C2: variants seen among roughly 807,000 people sequenced by gnomAD.
C2 encodes the protein complement C2.
C2 carries 64 observed loss-of-function variants against 85.2 expected under a neutral mutation model. The ratio of observed to expected loss-of-function variants is 0.75; its 90% confidence interval spans 0.61 to 0.92. C2 has a LOEUF of 0.92. Ranked by LOEUF, C2 falls within the 40% of genes least tolerant of loss-of-function variation. The pLI is 0.00. For missense variants in C2, 820 were observed against 971.6 expected, an observed-to-expected ratio of 0.84 and a Z score of 2.07; for synonymous variants, 311 against 370.8, an observed-to-expected ratio of 0.84 and a Z score of 1.85.
rs1712147955 is a variant in C2 at position 31,904,545 on chromosome 6, C to A, written c.73+3406C>A. 6.6e-6 allele frequency among the ~76,000 whole-genome samples: 1 copy of A among 151,954 alleles called. No homozygotes were observed. Among genetic ancestry groups the A allele is most frequent in the African/African-American group, 2.4e-5 (1 of 41,324 alleles). On this transcript the variant is annotated intron_variant, in intron 1 of 3. Coordinates refer to the C2 transcript ENST00000452202. This position sits in a 1 kb window ranked among gnomAD's most constrained non-coding sequence, Gnocchi z 4.4. ...GCCAGGCTGGTCTCGAACTCCTGAC[C>A]TCGGGTGATCCACCTTGCTCAGCCT...
At chr6:31,927,499 G>A, upstream of C2, 1 of 1,430,596 alleles carries the variant, frequency 7.0e-7, no homozygotes, top group South Asian at 1.5e-5. This position sits in a 1 kb window ranked among gnomAD's most constrained non-coding sequence, Gnocchi z 4.7. Flanking sequence ...AGTACACAAA[G>A]CCTGTGGGGG....
chr6:31,928,739 C>A lies in C2; in HGVS notation c.264C>A (p.Arg88=). The change falls in exon 3 of 18, where the codon CGC becomes CGA. Residue 88 remains arginine, a synonymous_variant. Coordinates refer to ENST00000299367, the MANE Select transcript of C2 (RefSeq NM_000063.6). The part of the protein sequence containing the change: ...SLSKAVCKPV[R]CPAPVSFENG... Reference sequence around the variant, plus strand: ...CACTTCCTCTCTCTCCAGCTGTGCGCTGTCCAGCCCCTGTCTCCTTTGAGA... The same window carrying A: ...CACTTCCTCTCTCTCCAGCTGTGCGATGTCCAGCCCCTGTCTCCTTTGAGA... 1 of 1,614,238 alleles carries A rather than the reference C, an allele frequency of 6.2e-7. No homozygotes were observed. The highest frequency in any genetic ancestry group is 1.1e-5 in the South Asian group (1 of 91,092).
chr6:31,912,747 G>T (rs1273714801), intron 1 of C2, among the ~76,000 whole-genome samples: 1 of 151,762 alleles, frequency 6.6e-6, no homozygotes, highest in Non-Finnish European at 1.5e-5. Context: ...GGCTGAGGCA[G>T]GAGAATCGCT....
chr6:31,913,040 A>AG, intron 1 of C2, among the ~76,000 whole-genome samples: 1 of 151,702 alleles, frequency 6.6e-6, no homozygotes, highest in East Asian at 1.9e-4. Flanking sequence ...CAAAAAAAAA[A>AG]AAAAAAAAAA....
At chr6:31,923,956 C>T (rs765032970), upstream of C2, among the ~76,000 whole-genome samples, 2 of 151,708 alleles carry the variant, frequency 1.3e-5, no homozygotes, top group East Asian at 1.9e-4. Context: ...CCTGCCACCG[C>T]GCCCGGCTAA....
In C2 at chr6:31,937,311, T is replaced by G; in HGVS notation, c.989-8T>G. ...TCTAAGAGAGTCCTTCCTTTTGGCA[T>G]ATTCCAGATCATGAAAATGGAACTG... On this transcript the variant is annotated splice_region_variant and splice_polypyrimidine_tract_variant and intron_variant, in intron 7 of 17. Coordinates refer to ENST00000299367, the MANE Select transcript of C2 (RefSeq NM_000063.6). 1 of 1,612,836 alleles carries G rather than the reference T, an allele frequency of 6.2e-7. No individual in the cohort carries two copies. The highest frequency in any genetic ancestry group is 8.5e-7 in the Non-Finnish European group (1 of 1,179,926).
upstream of C2, chr6:31,900,460 G>A (rs768390998): frequency 1.2e-5 from 19 of 1,587,916 alleles, no homozygotes; most frequent in Admixed American, 1.1e-4. This position sits in a 1 kb window ranked among gnomAD's most constrained non-coding sequence, Gnocchi z 9.7. Context: ...CCCGGCCTCC[G>A]GGAATCAACA....
upstream of C2, chr6:31,900,632 G>A: frequency 4.3e-6 from 7 of 1,612,802 alleles, no homozygotes; most frequent in African/African-American, 1.3e-5. The surrounding 1 kb of genome is among the most constrained non-coding windows in gnomAD (Gnocchi z 9.7). Context: ...GCCTCCAGGG[G>A]GTTTGAGCCG....
chr6:31,914,290 A>G (rs1768331259), intron 1 of C2, among the ~76,000 whole-genome samples: 1 of 151,682 alleles, frequency 6.6e-6, no homozygotes, highest in African/African-American at 2.4e-5. Flanking sequence ...CAAGACTGTC[A>G]CATAGAAATC....
Position 31,936,199 on chromosome 6 carries a change from C to A in C2, c.988+138C>A, listed in dbSNP as rs1770406118. The A allele has an allele frequency of 1.7e-5, 15 of 908,832 alleles. No individual in the cohort carries two copies. In the South Asian group the frequency reaches 2.1e-4, roughly 13 times the overall value. The allele number at this position is 908,832 out of a possible 1,614,324, so 56.3% of individuals were successfully genotyped here. A position where few individuals can be genotyped will look rare whatever the true frequency, so the allele number is the denominator to read the frequency against. On this transcript the variant is annotated intron_variant, in intron 7 of 17. Transcript: ENST00000299367. ...GAGTCCCACGAGTCTGGGGTAGTTTCAACGTCCAGGGTTATGGTGGGGGAG... is the reference window on the plus strand; with the variant it reads ...GAGTCCCACGAGTCTGGGGTAGTTTAAACGTCCAGGGTTATGGTGGGGGAG...
chr6:31,900,885 C>G (rs1767189348), upstream of C2: 1 of 1,613,800 alleles, frequency 6.2e-7, no homozygotes, highest in Admixed American at 1.7e-5. This position sits in a 1 kb window ranked among gnomAD's most constrained non-coding sequence, Gnocchi z 9.7. Flanking sequence ...ACAAGGCTAG[C>G]CTCACTGACC....
Position 31,943,056 on chromosome 6 carries a change from G to A in C2, c.1317G>A (p.Leu439=), listed in dbSNP as rs151168036. The change falls in exon 10 of 18, where the codon CTG becomes CTA. Residue 439 remains leucine, a synonymous_variant. Coordinates refer to ENST00000299367, the MANE Select transcript of C2 (RefSeq NM_000063.6). The surrounding 1 kb of genome is among the most constrained non-coding windows in gnomAD (Gnocchi z 6.4). The part of the protein sequence containing the change: ...KKDGERHAFI[L]QDTKALHQVF... ...ATGGTGAGAGGCATGCCTTCATTCT[G>A]CAGGACACAAAGGCTCTGCACCAGG... 2 of 1,612,966 alleles carry A rather than the reference G, an allele frequency of 1.2e-6. No homozygotes were observed. The highest frequency in any genetic ancestry group is 2.7e-5 in the African/African-American group (2 of 74,920).
At position 31,901,419 on chromosome 6, in the gene C2, G is replaced by C; in HGVS notation, c.73+280G>C. 8 of 1,168,376 alleles carry C rather than the reference G, an allele frequency of 6.8e-6. 1 individual carries two copies. The South Asian group carries it at 1.3e-4, about 19-fold the overall frequency. 72.4% of individuals were successfully genotyped at this position (1,168,376 alleles called of 1,614,324 possible). A position where few individuals can be genotyped will look rare whatever the true frequency, so the allele number is the denominator to read the frequency against. On this transcript the variant is annotated intron_variant, in intron 1 of 3. Transcript: ENST00000452202. ...CGCCCCCATTCTTGCCCAGCCCCCC[G>C]GCATCCGATCTCCCGGTCTTCAGAT...
At chr6:31,914,008 G>A (rs1242148308) in intron 1 of C2, among the ~76,000 whole-genome samples, 2 of 151,214 alleles carry the variant, frequency 1.3e-5, no homozygotes, top group African/African-American at 2.4e-5. Context: ...CCTGCGATCC[G>A]ACTCCCTGGT....
intron 3 of C2, among the ~76,000 whole-genome samples, chr6:31,932,977 G>A (rs184265581): frequency 2.0e-5 from 3 of 152,260 alleles, no homozygotes; most frequent in Non-Finnish European, 4.4e-5. Flanking sequence ...CCAGTCAGGC[G>A]TGGCGGCGCG....
intron 4 of C2, 21 bp from the exon 5 acceptor site, chr6:31,933,846 C>T (rs1291367856): frequency 2.5e-6 from 4 of 1,613,278 alleles, no homozygotes; most frequent in Non-Finnish European, 3.4e-6. Flanking sequence ...CCGGCTGACT[C>T]CTGTGTGGCT....
intron 9 of C2, among the ~76,000 whole-genome samples, chr6:31,940,363 G>T (rs1466917613): frequency 6.6e-6 from 1 of 152,212 alleles, no homozygotes; most frequent in Non-Finnish European, 1.5e-5. Flanking sequence ...AGGAAGAAGG[G>T]ACCTCGATTC....
chr6:31,943,022 C>T lies in C2; in HGVS notation c.1283C>T (p.Ser428Phe). The T allele has an allele frequency of 6.2e-7, 1 of 1,613,022 alleles. No homozygotes were observed. Among genetic ancestry groups the T allele is most frequent in the African/African-American group, 1.3e-5 (1 of 75,020 alleles). The stretch of plus-strand genomic sequence containing the variant: ...TGGAGAGAACTGAATGAGCTAGGGT[C>T]CAAGAAGGATGGTGAGAGGCATGCC... ...VDWRELNELGSKKDGERHAFI... is the reference protein window; with the variant it reads ...VDWRELNELGFKKDGERHAFI... The change falls in exon 10 of 18, where the codon TCC becomes TTC. Residue 428 changes from serine to phenylalanine, a missense_variant. Ser to Phe is a radical substitution (Grantham distance 155, BLOSUM62 -2). Transcript: ENST00000299367. The surrounding 1 kb of genome is among the most constrained non-coding windows in gnomAD (Gnocchi z 6.4).
chr6:31,900,603 T>A (rs776911338), upstream of C2: 1 of 1,612,666 alleles, frequency 6.2e-7, no homozygotes, highest in South Asian at 1.1e-5. The surrounding 1 kb of genome is among the most constrained non-coding windows in gnomAD (Gnocchi z 9.7). Context: ...GAGCCTCCAA[T>A]GCCCAGACCC....
Sources: allele counts gnomAD v4.1 joint callset (sites outside exome capture counted in the v4.1 genomes callset), GRCh38; gene constraint gnomAD v4.1.1; non-coding constraint Gnocchi (gnomAD v3.1); transcripts MANE v1.5; gene names NCBI Gene and HGNC (gene_info 2026-07-23, HGNC 2026-07-21).